TRPS1: variants seen among roughly 807,000 people sequenced by gnomAD.
The protein encoded by TRPS1 is zinc finger transcription factor Trps1.
In TRPS1, 6 loss-of-function variants were observed where a neutral mutation model predicts 101.2. The observed-to-expected ratio is 0.06, with a 90% CI of 0.03 to 0.12. The LOEUF (loss-of-function observed/expected upper bound fraction) is 0.12. Ranked by LOEUF, TRPS1 falls within the 10% of genes least tolerant of loss-of-function variation. The pLI is 1.00. For missense variants in TRPS1, 1,363 were observed against 1,567.0 expected, an observed-to-expected ratio of 0.87 and a Z score of 2.20; for synonymous variants, 578 against 589.8, an observed-to-expected ratio of 0.98 and a Z score of 0.29.
chr8:115,505,364 C>T (rs1184765979), intron 5 of TRPS1, among the ~76,000 whole-genome samples: 1 of 152,052 alleles, frequency 6.6e-6, no homozygotes, highest in Non-Finnish European at 1.5e-5. Flanking sequence ...TTTGAAATCA[C>T]AGTGGTAATA....
At chr8:115,613,178 G>A (rs1311363715) in intron 3 of TRPS1, among the ~76,000 whole-genome samples, 3 of 152,102 alleles carry the variant, frequency 2.0e-5, no homozygotes, top group African/African-American at 4.8e-5. Context: ...ATCCTTAATT[G>A]ATTACATCAA....
intron 1 of TRPS1, chr8:115,668,228 A>G (rs897846327): frequency 2.4e-5 from 9 of 374,414 alleles, no homozygotes; most frequent in Non-Finnish European, 2.9e-5. Flanking sequence ...AGGGGGAAAA[A>G]GGGAGCAGAA....
intron 5 of TRPS1, among the ~76,000 whole-genome samples, chr8:115,581,694 G>A (rs1237964261): frequency 6.6e-6 from 1 of 152,034 alleles, no homozygotes; most frequent in African/African-American, 2.4e-5. Flanking sequence ...GTCAAAAATG[G>A]TATATAAATG....
At chr8:115,482,192 C>T (rs1460175341) in intron 5 of TRPS1, among the ~76,000 whole-genome samples, 1 of 152,130 alleles carries the variant, frequency 6.6e-6, no homozygotes, top group Non-Finnish European at 1.5e-5. Flanking sequence ...TTAATAGCAA[C>T]TAACCATTCA....
chr8:115,441,413 A>G (rs1400985178), intron 5 of TRPS1, among the ~76,000 whole-genome samples: 1 of 152,202 alleles, frequency 6.6e-6, no homozygotes, highest in Non-Finnish European at 1.5e-5. Flanking sequence ...TACGAAATAC[A>G]TATTTCTGTA....
intron 1 of TRPS1, among the ~76,000 whole-genome samples, chr8:115,650,647 A>G (rs1811539003): frequency 6.6e-6 from 1 of 152,238 alleles, no homozygotes; most frequent in Non-Finnish European, 1.5e-5. Flanking sequence ...TTTAAGATGA[A>G]ATTAAAAGTG....
At chr8:115,484,586 G>A (rs1316096036) in intron 5 of TRPS1, among the ~76,000 whole-genome samples, 1 of 152,060 alleles carries the variant, frequency 6.6e-6, no homozygotes, top group African/African-American at 2.4e-5. Flanking sequence ...GTTTAGCAAT[G>A]TTATTATAAA....
At chr8:115,442,550 CGTGTGT>C (rs10570037) in intron 5 of TRPS1, among the ~76,000 whole-genome samples, 22 of 145,100 alleles carry the variant, frequency 1.5e-4, no homozygotes, top group Admixed American at 3.4e-4. Flanking sequence ...AAGTATGGTG[CGTGTGT>C]GTGTGTGTGT....
At chr8:115,634,419 A>C (rs961398627) in intron 1 of TRPS1, among the ~76,000 whole-genome samples, 5 of 152,222 alleles carry the variant, frequency 3.3e-5, no homozygotes, top group Non-Finnish European at 7.3e-5. Flanking sequence ...TTGTTAAAGA[A>C]GCAACATAAT....
At chr8:115,658,433 T>A (rs1304983236) in intron 1 of TRPS1, among the ~76,000 whole-genome samples, 1 of 152,142 alleles carries the variant, frequency 6.6e-6, no homozygotes, top group African/African-American at 2.4e-5. Flanking sequence ...AACCGTTCCT[T>A]ATGTTATCAT....
intron 5 of TRPS1, among the ~76,000 whole-genome samples, chr8:115,509,041 C>G (rs75832475): frequency 6.6e-6 from 1 of 151,716 alleles, no homozygotes; most frequent in Non-Finnish European, 1.5e-5. Context: ...CAAATACTCT[C>G]CCTTAAAAAA....
At chr8:115,425,217 G>A (rs1015994279) in intron 5 of TRPS1, among the ~76,000 whole-genome samples, 1 of 152,140 alleles carries the variant, frequency 6.6e-6, no homozygotes, top group African/African-American at 2.4e-5. Flanking sequence ...AAATTGTGAA[G>A]AATCCGTTGA....
intron 1 of TRPS1, among the ~76,000 whole-genome samples, chr8:115,656,588 C>T (rs1176513950): frequency 6.6e-6 from 1 of 151,998 alleles, no homozygotes; most frequent in Non-Finnish European, 1.5e-5. Flanking sequence ...TTATTTTACA[C>T]CATTCATAAT....
chr8:115,612,601 A>G (rs1473364557), intron 3 of TRPS1, among the ~76,000 whole-genome samples: 1 of 152,220 alleles, frequency 6.6e-6, no homozygotes, highest in African/African-American at 2.4e-5. Context: ...GCTTCCCATC[A>G]GCTGGAAAAA....
chr8:115,474,971 T>A (rs1346688910), intron 5 of TRPS1, among the ~76,000 whole-genome samples: 1 of 151,908 alleles, frequency 6.6e-6, no homozygotes, highest in African/African-American at 2.4e-5. Flanking sequence ...TAAAATTAAG[T>A]GTAGAATGAA....
intron 5 of TRPS1, among the ~76,000 whole-genome samples, chr8:115,563,647 A>C (rs1041303521): frequency 4.6e-5 from 7 of 152,144 alleles, no homozygotes; most frequent in Non-Finnish European, 7.4e-5. Context: ...TTACTTTAAC[A>C]ATGTAAATCT....
chr8:115,436,241 G>A (rs927897635), intron 5 of TRPS1, among the ~76,000 whole-genome samples: 13 of 152,222 alleles, frequency 8.5e-5, no homozygotes, highest in African/African-American at 3.1e-4. Context: ...TATTTTGGCC[G>A]GGATTCAAGT....
chr8:115,624,125 A>C (rs1818455412), intron 1 of TRPS1, among the ~76,000 whole-genome samples: 1 of 139,386 alleles, frequency 7.2e-6, no homozygotes, highest in African/African-American at 2.7e-5. Flanking sequence ...GAAAATCTTA[A>C]AGCAATTAAA....
At chr8:115,429,366 G>T (rs186521270) in intron 5 of TRPS1, among the ~76,000 whole-genome samples, 77 of 152,274 alleles carry the variant, frequency 5.1e-4, no homozygotes, top group Non-Finnish European at 8.5e-4. Context: ...TCTTTGTTAT[G>T]TATACATACG....
Sources: allele counts gnomAD v4.1 joint callset (sites outside exome capture counted in the v4.1 genomes callset), GRCh38; gene constraint gnomAD v4.1.1; transcripts MANE v1.5; gene names NCBI Gene and HGNC (gene_info 2026-07-23, HGNC 2026-07-21).